The following CSMD1 variants were observed in gnomAD, a reference collection of about 807,000 sequenced individuals.
The protein encoded by CSMD1 is CUB and Sushi multiple domains 1.
CSMD1 carries 213 observed loss-of-function variants against 417.5 expected under a neutral mutation model. The ratio of observed to expected loss-of-function variants is 0.51; its 90% CI spans 0.46 to 0.57. CSMD1 has a LOEUF of 0.57. CSMD1 is among the 20% of genes least tolerant of loss of function. The probability of loss-of-function intolerance (pLI) is 0.00; values close to 1 mark genes in which losing one functional copy is unlikely to be tolerated. For synonymous variants in CSMD1, 2,862 were observed against 1,736.8 expected, an observed-to-expected ratio of 1.65 and a Z score of -16.11; for missense variants, 6,923 against 4,529.7, an observed-to-expected ratio of 1.53 and a Z score of -15.17.
intron 3 of CSMD1, among the ~76,000 whole-genome samples, chr8:4,346,480 C>T (rs965152888): frequency 2.0e-5 from 3 of 152,142 alleles, no homozygotes; most frequent in African/African-American, 7.2e-5. Flanking sequence ...TAATCCATCC[C>T]TGCTCTGATA....
At chr8:3,459,693 G>C (rs1446092678) in intron 12 of CSMD1, among the ~76,000 whole-genome samples, 1 of 152,114 alleles carries the variant, frequency 6.6e-6, no homozygotes, top group Non-Finnish European at 1.5e-5. Flanking sequence ...ATATACTTCA[G>C]GAATTGGGTT....
chr8:3,066,960 T>C (rs1382323588), intron 49 of CSMD1, among the ~76,000 whole-genome samples: 1 of 152,096 alleles, frequency 6.6e-6, no homozygotes, highest in Non-Finnish European at 1.5e-5. Context: ...GTAATTAAAT[T>C]GCTAATAAAG....
chr8:4,033,480 C>G (rs995301969), intron 3 of CSMD1, among the ~76,000 whole-genome samples: 4 of 152,136 alleles, frequency 2.6e-5, no homozygotes, highest in Non-Finnish European at 4.4e-5. Flanking sequence ...ACCTTTGATT[C>G]TACCTATGAC....
intron 2 of CSMD1, among the ~76,000 whole-genome samples, chr8:4,534,332 T>C (rs1186028535): frequency 6.6e-6 from 1 of 152,242 alleles, no homozygotes; most frequent in East Asian, 1.9e-4. Context: ...ACTCTCTGGC[T>C]TACTTTGAAG....
chr8:4,198,869 C>T (rs560551004), intron 3 of CSMD1, among the ~76,000 whole-genome samples: 41 of 152,154 alleles, frequency 2.7e-4, no homozygotes, highest in South Asian at 2.3e-3. Flanking sequence ...TCACGTATTT[C>T]CCCTTCCTTT....
intron 5 of CSMD1, among the ~76,000 whole-genome samples, chr8:3,917,790 A>G (rs1808928993): frequency 6.6e-6 from 1 of 152,198 alleles, no homozygotes; most frequent in South Asian, 2.1e-4. Context: ...CACACCTATT[A>G]TTAGTTTTGC....
chr8:3,532,702 A>C (rs1048797699), intron 10 of CSMD1, among the ~76,000 whole-genome samples: 5 of 150,084 alleles, frequency 3.3e-5, no homozygotes, highest in Non-Finnish European at 4.4e-5. Context: ...CTTATTCCAA[A>C]CAATTTGCTT....
At chr8:4,159,460 A>G (rs1040753673) in intron 3 of CSMD1, among the ~76,000 whole-genome samples, 1 of 152,198 alleles carries the variant, frequency 6.6e-6, no homozygotes, top group Non-Finnish European at 1.5e-5. Flanking sequence ...ACAATTCACT[A>G]CTGTAAAAAT....
intron 1 of CSMD1, among the ~76,000 whole-genome samples, chr8:4,699,524 T>C (rs1181249409): frequency 6.6e-6 from 1 of 152,192 alleles, no homozygotes; most frequent in Non-Finnish European, 1.5e-5. Context: ...ACTCAGCTTA[T>C]GTTCTTTTCT....
At chr8:4,727,821 T>A (rs1286218634) in intron 1 of CSMD1, among the ~76,000 whole-genome samples, 1 of 150,628 alleles carries the variant, frequency 6.6e-6, no homozygotes, top group Non-Finnish European at 1.5e-5. Context: ...ATGTATATGT[T>A]TGGGATATAT....
At chr8:3,566,286 A>T (rs904403781) in intron 10 of CSMD1, among the ~76,000 whole-genome samples, 1 of 152,216 alleles carries the variant, frequency 6.6e-6, no homozygotes, top group African/African-American at 2.4e-5. Flanking sequence ...AAGAAGGTGG[A>T]GGACTTAGTA....
intron 3 of CSMD1, among the ~76,000 whole-genome samples, chr8:4,125,124 A>T (rs1408658939): frequency 5.2e-3 from 1 of 194 alleles, no homozygotes; most frequent in East Asian, 0.5. Context: ...TTCCATCGAG[A>T]AAAAAACCTT....
intron 7 of CSMD1, among the ~76,000 whole-genome samples, chr8:3,630,339 C>A (rs141258721): frequency 1.3e-5 from 2 of 152,216 alleles, no homozygotes; most frequent in African/African-American, 4.8e-5. Flanking sequence ...ATTTAAAAAC[C>A]CTCTTGCCCA....
chr8:4,953,077 T>G (rs551779519), intron 1 of CSMD1, among the ~76,000 whole-genome samples: 1 of 152,092 alleles, frequency 6.6e-6, no homozygotes, highest in East Asian at 1.9e-4. Flanking sequence ...AAAAACATTA[T>G]AGTCCTTAAA....
chr8:3,197,591 G>A (rs915012870), intron 33 of CSMD1, among the ~76,000 whole-genome samples: 9 of 150,838 alleles, frequency 6.0e-5, no homozygotes, highest in Non-Finnish European at 1.2e-4. Flanking sequence ...TCAGCCTCCC[G>A]AGTAGCTGGG....
chr8:4,199,002 G>C (rs1004404375), intron 3 of CSMD1, among the ~76,000 whole-genome samples: 3 of 151,806 alleles, frequency 2.0e-5, no homozygotes, highest in African/African-American at 7.3e-5. Context: ...CTTTGCAAAT[G>C]AGCAAAGTTC....
chr8:3,548,599 T>C (rs1376781793), intron 10 of CSMD1, among the ~76,000 whole-genome samples: 2 of 150,924 alleles, frequency 1.3e-5, no homozygotes. Flanking sequence ...CCCAATCTCA[T>C]CCAGGTTGCT....
At chr8:4,273,824 T>C (rs1482339232) in intron 3 of CSMD1, among the ~76,000 whole-genome samples, 1 of 152,178 alleles carries the variant, frequency 6.6e-6, no homozygotes, top group Non-Finnish European at 1.5e-5. Context: ...TGGTCACTTC[T>C]CCAAATGGTT....
intron 1 of CSMD1, among the ~76,000 whole-genome samples, chr8:4,859,418 G>A (rs1409263316): frequency 6.6e-6 from 1 of 151,978 alleles, no homozygotes; most frequent in East Asian, 1.9e-4. Flanking sequence ...TGACAAATGG[G>A]ATCTAATTAA....
Sources: gnomAD v4.1 joint callset for allele counts (sites outside exome capture counted in the v4.1 genomes callset) on GRCh38, gnomAD v4.1.1 for gene constraint, MANE v1.5 for transcripts, NCBI Gene and HGNC (gene_info 2026-07-23, HGNC 2026-07-21) for gene names.